Variants in FAF1 observed in about 807,000 individuals in gnomAD.
FAF1 encodes the protein Fas associated factor 1, also known as FAS-associated factor 1.
Under a neutral mutation model 92.5 loss-of-function variants are expected in FAF1, and 25 were observed. That is an observed-to-expected ratio of 0.27 (90% CI 0.20 to 0.38). The LOEUF (loss-of-function observed/expected upper bound fraction) is 0.38, where lower values mean the gene tolerates loss of function less well. Ranked by LOEUF, FAF1 falls within the 10% of genes least tolerant of loss-of-function variation. The probability of loss-of-function intolerance (pLI) is 1.00; values close to 1 mark genes in which losing one functional copy is unlikely to be tolerated. For synonymous variants in FAF1, 234 were observed against 273.2 expected (o/e 0.86, Z 1.42); for missense variants, 636 against 793.3 (o/e 0.80, Z 2.38).
chr1:50,866,124 G>GA (rs1644479933), intron 1 of FAF1, among the ~76,000 whole-genome samples: 1 of 151,992 alleles, frequency 6.6e-6, no homozygotes, highest in Non-Finnish European at 1.5e-5. Context: ...ATAGATGCAG[G>GA]AAAAGCAGTT....
At chr1:50,747,751 T>G (rs1016498022) in intron 4 of FAF1, among the ~76,000 whole-genome samples, 1 of 152,138 alleles carries the variant, frequency 6.6e-6, no homozygotes, top group South Asian at 2.1e-4. Context: ...TAATCCTGAG[T>G]GTTGGCAGTG....
chr1:50,513,381 T>C (rs1197583182), intron 15 of FAF1, among the ~76,000 whole-genome samples: 1 of 152,028 alleles, frequency 6.6e-6, no homozygotes, highest in East Asian at 1.9e-4. Context: ...CGATCAATAC[T>C]TGAGAGGCTA....
At chr1:50,718,539 TATTTC>T (rs1356729912) in intron 6 of FAF1, among the ~76,000 whole-genome samples, 1 of 152,238 alleles carries the variant, frequency 6.6e-6, no homozygotes, top group African/African-American at 2.4e-5. Context: ...GTGCATATGT[TATTTC>T]TTTTCTTGCA....
chr1:50,558,176 G>C (rs2149050696), intron 13 of FAF1, among the ~76,000 whole-genome samples: 1 of 151,992 alleles, frequency 6.6e-6, no homozygotes, highest in East Asian at 1.9e-4. Flanking sequence ...TGGGGTTACA[G>C]GTGTGAGCCG....
At chr1:50,940,417 A>G (rs1401561422) in intron 1 of FAF1, among the ~76,000 whole-genome samples, 1 of 152,182 alleles carries the variant, frequency 6.6e-6, no homozygotes, top group African/African-American at 2.4e-5. Context: ...CCACTATACC[A>G]TTATGTTTCT....
At chr1:50,856,779 T>C (rs931402685) in intron 2 of FAF1, among the ~76,000 whole-genome samples, 1 of 151,776 alleles carries the variant, frequency 6.6e-6, no homozygotes, top group Admixed American at 6.6e-5. Flanking sequence ...ATGTTCATAA[T>C]AGCAAAATGC....
intron 3 of FAF1, among the ~76,000 whole-genome samples, chr1:50,796,939 G>A (rs947010410): frequency 6.6e-6 from 1 of 152,010 alleles, no homozygotes. Flanking sequence ...AGACTAACCT[G>A]AGCAACATGG....
chr1:50,869,649 C>T (rs915949579), intron 1 of FAF1, among the ~76,000 whole-genome samples: 1 of 152,120 alleles, frequency 6.6e-6, no homozygotes, highest in African/African-American at 2.4e-5. Flanking sequence ...CAAATTTGTA[C>T]AGTGATGATT....
At chr1:50,500,647 T>C (rs940786209) in intron 15 of FAF1, among the ~76,000 whole-genome samples, 5 of 152,120 alleles carry the variant, frequency 3.3e-5, no homozygotes, top group Admixed American at 3.3e-4. Context: ...AGAAAAAATA[T>C]TTAAATTGGA....
intron 2 of FAF1, among the ~76,000 whole-genome samples, chr1:50,811,266 G>A (rs1442667772): frequency 6.6e-6 from 1 of 152,108 alleles, no homozygotes; most frequent in Non-Finnish European, 1.5e-5. Context: ...TTGGGCCCAG[G>A]AGGCAGAGGT....
At chr1:50,588,339 G>A (rs1351800026) in intron 9 of FAF1, among the ~76,000 whole-genome samples, 1 of 152,174 alleles carries the variant, frequency 6.6e-6, no homozygotes, top group Non-Finnish European at 1.5e-5. Context: ...GGCAATTCGT[G>A]TATCTCTAAT....
chr1:50,855,686 T>A (rs748240771), intron 2 of FAF1, among the ~76,000 whole-genome samples: 15 of 151,900 alleles, frequency 9.9e-5, no homozygotes, highest in African/African-American at 3.4e-4. Flanking sequence ...GAATGCTGCA[T>A]GAAAACAGGA....
At position 50,653,185 on chromosome 1, in the gene FAF1, A is replaced by C. The variant is rs575928482; in HGVS notation, c.744+2257T>G. On this transcript the variant is annotated intron_variant, in intron 8 of 18. Transcript: ENST00000396153. ...AAGCAAGAAAAACAACAAAAAAAAAACCACAAGAAAACCACAAACACATCC... is the reference window on the plus strand; with the variant it reads ...AAGCAAGAAAAACAACAAAAAAAAACCCACAAGAAAACCACAAACACATCC... Among the ~76,000 whole-genome samples the C allele has an allele frequency of 7.7e-3, 1,164 of 151,998 alleles. 12 individuals are homozygous for C. The highest frequency in any genetic ancestry group is 0.027 in the African/African-American group (1,121 of 41,450).
intron 17 of FAF1, among the ~76,000 whole-genome samples, chr1:50,477,916 T>C (rs1398024992): frequency 6.6e-6 from 1 of 152,238 alleles, no homozygotes; most frequent in East Asian, 1.9e-4. Flanking sequence ...AGGCACGTAC[T>C]AGGTGTTCAA....
At chr1:50,646,609 C>T (rs938008469) in intron 8 of FAF1, among the ~76,000 whole-genome samples, 1 of 152,088 alleles carries the variant, frequency 6.6e-6, no homozygotes, top group African/African-American at 2.4e-5. Context: ...ATCAAATGTC[C>T]CTTTCACTGA....
At chr1:50,870,538 T>C (rs1159121658) in intron 1 of FAF1, among the ~76,000 whole-genome samples, 1 of 152,240 alleles carries the variant, frequency 6.6e-6, no homozygotes, top group Non-Finnish European at 1.5e-5. Context: ...TTTCCAATAG[T>C]ACACGCTAAT....
intron 7 of FAF1, among the ~76,000 whole-genome samples, chr1:50,687,939 T>G (rs1291855228): frequency 1.3e-5 from 2 of 151,424 alleles, no homozygotes; most frequent in Non-Finnish European, 2.9e-5. Context: ...TTCGAGACCA[T>G]CTTGGCTAAC....
chr1:50,489,253 C>A (rs1024835552), intron 17 of FAF1, among the ~76,000 whole-genome samples: 1 of 152,218 alleles, frequency 6.6e-6, no homozygotes, highest in Non-Finnish European at 1.5e-5. Context: ...CAGTGCTCAG[C>A]ACAGGTCTTC....
intron 2 of FAF1, among the ~76,000 whole-genome samples, chr1:50,845,883 G>A (rs1414103786): frequency 6.6e-6 from 1 of 152,124 alleles, no homozygotes; most frequent in Non-Finnish European, 1.5e-5. Context: ...TGCACTTTGG[G>A]AGGTCAAGAC....
Sources: allele counts gnomAD v4.1 joint callset (sites outside exome capture counted in the v4.1 genomes callset), GRCh38; gene constraint gnomAD v4.1.1; transcripts MANE v1.5; gene names NCBI Gene and HGNC (gene_info 2026-07-23, HGNC 2026-07-21).